Variants in DCC observed in about 807,000 individuals in gnomAD.
DCC encodes the protein netrin receptor DCC.
DCC carries 58 observed loss-of-function variants against 172.5 expected under a neutral mutation model. The observed-to-expected ratio is 0.34, with a 90% CI of 0.27 to 0.42. The LOEUF is 0.42. DCC is among the 10% of genes least tolerant of loss of function. The pLI is 1.00. For missense variants in DCC, 1,740 were observed against 1,791.0 expected, an observed-to-expected ratio of 0.97 and a Z score of 0.51; for synonymous variants, 709 against 644.5, an observed-to-expected ratio of 1.10 and a Z score of -1.52.
intron 1 of DCC, among the ~76,000 whole-genome samples, chr18:52,595,469 CTT>C (rs2033890133): frequency 6.6e-6 from 1 of 152,094 alleles, no homozygotes; most frequent in Admixed American, 6.6e-5. Flanking sequence ...ATTAAATTTC[CTT>C]TTTAAACTGA....
chr18:52,553,413 G>A lies in DCC; in HGVS notation c.92-198641G>A, dbSNP rs145747014. On this transcript the variant is annotated intron_variant, in intron 1 of 28. Coordinates refer to ENST00000442544, the MANE Select transcript of DCC (RefSeq NM_005215.4). The stretch of plus-strand genomic sequence containing the variant: ...GCTAAGCAGGGACTGAAGTGATGGA[G>A]TGGGAGGGTGAAGTGGTATAAGTTT... 4.6e-5 allele frequency among the ~76,000 whole-genome samples: 7 copies of A among 152,196 alleles called. No homozygotes were observed. The East Asian group carries it at 1.4e-3, about 29-fold the overall frequency.
intron 5 of DCC, among the ~76,000 whole-genome samples, chr18:52,983,586 C>T (rs552079697): frequency 2.4e-4 from 37 of 152,114 alleles, no homozygotes; most frequent in Non-Finnish European, 4.6e-4. Flanking sequence ...GAAATGCACC[C>T]GTCACCTTCT....
intron 15 of DCC, among the ~76,000 whole-genome samples, chr18:53,374,116 G>C (rs1245761005): frequency 6.6e-6 from 1 of 152,092 alleles, no homozygotes; most frequent in Admixed American, 6.5e-5. Context: ...TGTCCAGTGT[G>C]GAAGCTGCTG....
chr18:53,309,231 G>T (rs1014438851), intron 13 of DCC, among the ~76,000 whole-genome samples: 1 of 151,990 alleles, frequency 6.6e-6, no homozygotes, highest in African/African-American at 2.4e-5. Context: ...TAGAGACAAG[G>T]TCTTGCTTTG....
chr18:52,713,332 G>A (rs1232012089), intron 1 of DCC, among the ~76,000 whole-genome samples: 1 of 152,232 alleles, frequency 6.6e-6, no homozygotes, highest in Non-Finnish European at 1.5e-5. Context: ...GAGAGTTCAA[G>A]AAGCTCTGAA....
At chr18:53,222,822 A>G (rs1276754710) in intron 12 of DCC, among the ~76,000 whole-genome samples, 1 of 152,190 alleles carries the variant, frequency 6.6e-6, no homozygotes, top group Non-Finnish European at 1.5e-5. Context: ...TTTTTTCTAC[A>G]AAAACATTTT....
chr18:52,766,698 G>A (rs1164923762), intron 2 of DCC, among the ~76,000 whole-genome samples: 2 of 151,976 alleles, frequency 1.3e-5, no homozygotes, highest in African/African-American at 2.4e-5. Flanking sequence ...CCCTCTGCTG[G>A]CTGAGTATGG....
chr18:52,978,985 T>G (rs1299547912), intron 5 of DCC, among the ~76,000 whole-genome samples: 2 of 152,222 alleles, frequency 1.3e-5, no homozygotes, highest in Non-Finnish European at 2.9e-5. Flanking sequence ...TTAGGTTGGT[T>G]CCATATCTTT....
chr18:52,741,025 C>G (rs4255866), intron 1 of DCC, among the ~76,000 whole-genome samples: 36,307 of 152,118 alleles, frequency 0.24, 5,008 homozygotes, highest in South Asian at 0.36. Context: ...AGAAGGCTAA[C>G]GAGGGGCAGA....
intron 18 of DCC, among the ~76,000 whole-genome samples, chr18:53,397,737 A>G (rs1909044517): frequency 6.6e-6 from 1 of 152,228 alleles, no homozygotes; most frequent in Non-Finnish European, 1.5e-5. Context: ...ATTTAAGTAA[A>G]GAACAGAAAT....
intron 5 of DCC, among the ~76,000 whole-genome samples, chr18:52,966,246 A>G (rs996843961): frequency 1.5e-4 from 23 of 152,252 alleles, no homozygotes; most frequent in Middle Eastern, 3.4e-3. Context: ...TTGCTTATAA[A>G]CTCTGCTAAC....
At chr18:52,660,242 A>G (rs187085843) in intron 1 of DCC, among the ~76,000 whole-genome samples, 1 of 152,264 alleles carries the variant, frequency 6.6e-6, no homozygotes, top group Admixed American at 6.5e-5. Flanking sequence ...TAAGTTAATA[A>G]TTATTTGCCT....
intron 3 of DCC, among the ~76,000 whole-genome samples, chr18:52,911,012 T>C (rs1397204674): frequency 6.6e-6 from 1 of 152,122 alleles, no homozygotes; most frequent in African/African-American, 2.4e-5. Context: ...TCTTCATCAC[T>C]AAGAACTTAT....
At chr18:52,590,277 C>T (rs1039587835) in intron 1 of DCC, among the ~76,000 whole-genome samples, 5 of 151,874 alleles carry the variant, frequency 3.3e-5, no homozygotes. Context: ...GATCTAAGGA[C>T]ATCCAATGCA....
At chr18:52,668,548 A>G (rs2035496496) in intron 1 of DCC, among the ~76,000 whole-genome samples, 1 of 152,206 alleles carries the variant, frequency 6.6e-6, no homozygotes, top group Non-Finnish European at 1.5e-5. Flanking sequence ...AGATGAAAGA[A>G]TAAATATCAA....
chr18:52,649,200 C>A (rs972191442), intron 1 of DCC, among the ~76,000 whole-genome samples: 1 of 151,878 alleles, frequency 6.6e-6, no homozygotes, highest in Non-Finnish European at 1.5e-5. Flanking sequence ...GGTAAAACCC[C>A]GTCTCTACTA....
chr18:52,567,939 A>G (rs1410105865), intron 1 of DCC, among the ~76,000 whole-genome samples: 1 of 152,156 alleles, frequency 6.6e-6, no homozygotes, highest in Non-Finnish European at 1.5e-5. Flanking sequence ...CTTAATATGC[A>G]TGCACACACA....
chr18:53,063,825 C>A (rs567545283), intron 6 of DCC, among the ~76,000 whole-genome samples: 1 of 152,158 alleles, frequency 6.6e-6, no homozygotes, highest in Non-Finnish European at 1.5e-5. Context: ...ACTTCTTTGA[C>A]TTTTACCCAT....
intron 8 of DCC, among the ~76,000 whole-genome samples, chr18:53,175,568 C>G (rs1009149657): frequency 2.0e-5 from 3 of 148,746 alleles, no homozygotes; most frequent in Non-Finnish European, 4.5e-5. Context: ...GAGTGAACTC[C>G]CATTCACAAT....
Sources: allele counts gnomAD v4.1 joint callset (sites outside exome capture counted in the v4.1 genomes callset), GRCh38; gene constraint gnomAD v4.1.1; transcripts MANE v1.5; gene names NCBI Gene and HGNC (gene_info 2026-07-23, HGNC 2026-07-21).